Variants in RARB observed in about 807,000 individuals in gnomAD.
The protein encoded by RARB is HBV-activated protein.
RARB carries 17 observed loss-of-function variants against 51.9 expected under a neutral mutation model. The ratio of observed to expected loss-of-function variants is 0.33; its 90% CI spans 0.22 to 0.49. RARB has a LOEUF of 0.49. Ranked by LOEUF, RARB falls within the 20% of genes least tolerant of loss-of-function variation. The pLI is 0.99. For synonymous variants in RARB, 215 were observed against 195.4 expected (o/e 1.10, Z -0.84); for missense variants, 369 against 550.8 (o/e 0.67, Z 3.30).
intron 3 of RARB, among the ~76,000 whole-genome samples, chr3:25,527,471 A>T (rs1344557118): frequency 6.6e-6 from 1 of 152,204 alleles, no homozygotes; most frequent in Non-Finnish European, 1.5e-5. Context: ...AGGTCAAAAA[A>T]GCTGTGCTTT....
chr3:25,476,097 T>A (rs1019266628), intron 2 of RARB, among the ~76,000 whole-genome samples: 1 of 152,198 alleles, frequency 6.6e-6, no homozygotes, highest in Non-Finnish European at 1.5e-5. Context: ...TGCACTGGTA[T>A]CTTTCTACTG....
chr3:25,301,041 G>A (rs1704025712), intron 5 of RARB, among the ~76,000 whole-genome samples: 2 of 152,110 alleles, frequency 1.3e-5, no homozygotes, highest in South Asian at 2.1e-4. Flanking sequence ...TAGATTTTTC[G>A]ACTATACAAT....
intron 3 of RARB, among the ~76,000 whole-genome samples, chr3:25,092,832 T>G (rs1424581211): frequency 6.6e-6 from 1 of 152,170 alleles, no homozygotes. Flanking sequence ...AATGATGCAC[T>G]GGTCATTTTT....
chr3:25,101,201 C>G (rs917807053), intron 3 of RARB, among the ~76,000 whole-genome samples: 4 of 152,136 alleles, frequency 2.6e-5, no homozygotes, highest in Admixed American at 2.6e-4. Context: ...GAGGCTTCAT[C>G]TTATGGCACT....
intron 1 of RARB, among the ~76,000 whole-genome samples, chr3:25,434,249 A>G (rs1321484242): frequency 6.6e-6 from 1 of 152,224 alleles, no homozygotes; most frequent in East Asian, 1.9e-4. Flanking sequence ...GTGGGTGATG[A>G]TGTCCCTGAT....
intron 3 of RARB, among the ~76,000 whole-genome samples, chr3:25,510,764 C>T (rs1697852096): frequency 6.6e-6 from 1 of 152,208 alleles, no homozygotes; most frequent in African/African-American, 2.4e-5. Flanking sequence ...ACAGTATGAA[C>T]TCATTTAATG....
intron 5 of RARB, among the ~76,000 whole-genome samples, chr3:25,584,903 G>A (rs552243153): frequency 1.3e-5 from 2 of 151,924 alleles, no homozygotes; most frequent in African/African-American, 2.4e-5. Context: ...CTCCAACCCC[G>A]CCTGGCCTGC....
At chr3:25,158,416 A>G (rs1295996968) in intron 4 of RARB, among the ~76,000 whole-genome samples, 2 of 152,364 alleles carry the variant, frequency 1.3e-5, no homozygotes, top group African/African-American at 2.4e-5. Flanking sequence ...GTTGGCTTTC[A>G]AGCTGATCCT....
rs903562303 is a variant in RARB at position 25,460,479 on chromosome 3, G to T, written c.158-714G>T. Among the ~76,000 whole-genome samples, 6 of 136,518 alleles carry T rather than the reference G, an allele frequency of 4.4e-5. No homozygotes were observed. In the South Asian group the frequency reaches 6.8e-4, roughly 16 times the overall value. 89.6% of individuals were successfully genotyped at this position (136,518 alleles called of 152,430 possible). ...TTATTTATTTTTGAGACGGAGTCTT[G>T]CTCTGTTGCCCAGGCTGGAGTTCAG... On this transcript the variant is annotated intron_variant, in intron 1 of 7. Coordinates refer to ENST00000330688, the MANE Select transcript of RARB (RefSeq NM_000965.5).
chr3:25,552,270 G>A (rs1242410844), intron 3 of RARB, among the ~76,000 whole-genome samples: 2 of 152,342 alleles, frequency 1.3e-5, no homozygotes, highest in Non-Finnish European at 2.9e-5. Flanking sequence ...GCAAGGGAAA[G>A]TCAGCCTGGT....
chr3:24,907,121 A>G (rs1257922207), intron 2 of RARB, among the ~76,000 whole-genome samples: 1 of 152,276 alleles, frequency 6.6e-6, no homozygotes, highest in East Asian at 1.9e-4. Flanking sequence ...TATTCTAGGC[A>G]CTAGAATACT....
chr3:25,187,617 AT>A (rs1701008255), intron 5 of RARB, among the ~76,000 whole-genome samples: 1 of 152,100 alleles, frequency 6.6e-6, no homozygotes, highest in Non-Finnish European at 1.5e-5. Flanking sequence ...CTTAAAAGTA[AT>A]TGAACAAAAG....
intron 3 of RARB, among the ~76,000 whole-genome samples, chr3:25,120,891 C>G (rs1037391089): frequency 6.6e-6 from 1 of 152,134 alleles, no homozygotes; most frequent in Non-Finnish European, 1.5e-5. Flanking sequence ...TTGTCTATGG[C>G]CACTTTCCCA....
At chr3:25,537,540 G>A (rs137996674) in intron 3 of RARB, among the ~76,000 whole-genome samples, 1 of 152,264 alleles carries the variant, frequency 6.6e-6, no homozygotes, top group African/African-American at 2.4e-5. Context: ...CTCTTGTGGG[G>A]CTGTTTTACT....
chr3:25,102,942 T>G (rs1273147403), intron 3 of RARB, among the ~76,000 whole-genome samples: 13 of 152,242 alleles, frequency 8.5e-5, no homozygotes, highest in African/African-American at 2.2e-4. Context: ...TCCCAGCTAC[T>G]TGGGTAGATG....
intron 5 of RARB, among the ~76,000 whole-genome samples, chr3:25,371,639 C>A (rs533809112): frequency 6.6e-6 from 1 of 152,216 alleles, no homozygotes; most frequent in Non-Finnish European, 1.5e-5. Flanking sequence ...AATAAACGCT[C>A]GCCCTGGGGC....
At chr3:25,530,358 T>C (rs1383327014) in intron 3 of RARB, among the ~76,000 whole-genome samples, 3 of 152,232 alleles carry the variant, frequency 2.0e-5, no homozygotes, top group African/African-American at 7.2e-5. Flanking sequence ...GGTAACAAAT[T>C]ACCGCACATT....
In RARB at chr3:25,021,709, T is replaced by A. The variant is rs377424291; in HGVS notation, c.-379-38416T>A. Among the ~76,000 whole-genome samples the A allele has an allele frequency of 6.2e-4, 93 of 150,648 alleles. 1 individual carries two copies. The highest frequency in any genetic ancestry group is 2.0e-3 in the African/African-American group (84 of 41,126). On this transcript the variant is annotated intron_variant, in intron 2 of 11. Coordinates refer to the RARB transcript ENST00000383772. Reference sequence around the variant, plus strand: ...ACATTCAGTTTTCCATTTGTTCAAATTTTTTTTTTAAATTCGAGGACCTAT... The same window carrying A: ...ACATTCAGTTTTCCATTTGTTCAAAATTTTTTTTTAAATTCGAGGACCTAT...
At chr3:25,033,592 T>A (rs532546189) in intron 2 of RARB, among the ~76,000 whole-genome samples, 1 of 152,114 alleles carries the variant, frequency 6.6e-6, no homozygotes, top group African/African-American at 2.4e-5. Flanking sequence ...ATGTTGACAA[T>A]CAGGTCAACA....
Sources: allele counts gnomAD v4.1 joint callset (sites outside exome capture counted in the v4.1 genomes callset), GRCh38; gene constraint gnomAD v4.1.1; transcripts MANE v1.5; gene names NCBI Gene and HGNC (gene_info 2026-07-23, HGNC 2026-07-21).